The following ARHGAP8 variants were observed in gnomAD, a reference collection of about 807,000 sequenced individuals.
ARHGAP8 encodes the protein rho GTPase-activating protein 8.
In ARHGAP8, 62 loss-of-function variants were observed where a neutral mutation model predicts 46.1. The ratio of observed to expected loss-of-function variants is 1.34; its 90% CI spans 1.10 to 1.66. The LOEUF (loss-of-function observed/expected upper bound fraction) is 1.66. Ranked by LOEUF, ARHGAP8 falls within the 40% of genes most tolerant of loss-of-function variation. The pLI, the probability that ARHGAP8 is intolerant of heterozygous loss-of-function variation, is 0.00. For synonymous variants in ARHGAP8, 375 were observed against 243.1 expected (o/e 1.54, Z -5.05); for missense variants, 923 against 568.4 (o/e 1.62, Z -6.34).
At chr22:44,842,088 G>A (rs1415988509) in intron 7 of ARHGAP8, among the ~76,000 whole-genome samples, 2 of 152,238 alleles carry the variant, frequency 1.3e-5, no homozygotes, top group East Asian at 3.9e-4. Flanking sequence ...GCTTAGCGCA[G>A]TGGCTCATGC....
At chr22:44,810,827 G>A (rs1430884115) in intron 4 of ARHGAP8, among the ~76,000 whole-genome samples, 1 of 152,170 alleles carries the variant, frequency 6.6e-6, no homozygotes, top group East Asian at 1.9e-4. Flanking sequence ...CAGCAAAGGA[G>A]GGAGGGGCAC....
At position 44,808,156 on chromosome 22, in the gene ARHGAP8, A is replaced by T. The variant is rs143692885; in HGVS notation, c.168-151A>T. The stretch of plus-strand genomic sequence containing the variant: ...CTGAGCCTCAGATGTCATCTGGGAA[A>T]TGAGGACCGGGGCCCACGGTGCATG... On this transcript the variant is annotated intron_variant, in intron 3 of 11. Coordinates refer to ENST00000356099, the MANE Select transcript of ARHGAP8 (RefSeq NM_181335.3). The T allele has an allele frequency of 4.2e-4, 500 of 1,199,614 alleles. 4 individuals are homozygous for T. In the East Asian group the frequency reaches 0.011, roughly 26 times the overall value. 74.3% of individuals were successfully genotyped at this position (1,199,614 alleles called of 1,614,324 possible). A position where few individuals can be genotyped will look rare whatever the true frequency, so the allele number is the denominator to read the frequency against.
chr22:44,781,004 A>G (rs1926805080), intron 1 of ARHGAP8, among the ~76,000 whole-genome samples: 1 of 152,192 alleles, frequency 6.6e-6, no homozygotes, highest in Non-Finnish European at 1.5e-5. Context: ...GCTTCCAGGT[A>G]TCCCCTGGGT....
chr22:44,859,584 A>C (rs572997900), intron 10 of ARHGAP8, 147 bp from the exon 11 acceptor site: 6 of 766,618 alleles, frequency 7.8e-6, no homozygotes, highest in Non-Finnish European at 8.6e-6. Flanking sequence ...CCATACGGCC[A>C]GAAGATAAGT....
intron 3 of ARHGAP8, among the ~76,000 whole-genome samples, chr22:44,802,998 CT>C (rs1215490554): frequency 1.1e-4 from 16 of 152,192 alleles, no homozygotes; most frequent in Non-Finnish European, 1.6e-4. Context: ...GCTGCTGCTG[CT>C]GCTGCTGCTG....
At chr22:44,856,834 T>C (rs1272666287) in intron 10 of ARHGAP8, among the ~76,000 whole-genome samples, 1 of 144,554 alleles carries the variant, frequency 6.9e-6, no homozygotes, top group Non-Finnish European at 1.5e-5. Context: ...TTCTTCCGAA[T>C]GTGGCTCTGC....
chr22:44,855,092 A>C (rs911826906), intron 10 of ARHGAP8, among the ~76,000 whole-genome samples: 1 of 152,232 alleles, frequency 6.6e-6, no homozygotes, highest in African/African-American at 2.4e-5. Context: ...ATGTATCTCT[A>C]AGCCAATTTG....
intron 5 of ARHGAP8, 112 bp downstream of exon 5, chr22:44,814,870 C>CTG: frequency 7.7e-7 from 1 of 1,297,656 alleles, no homozygotes; most frequent in African/African-American, 1.5e-5. Flanking sequence ...TCCAGGGTGC[C>CTG]TGTGTATCTG....
At chr22:44,845,432 G>C in intron 8 of ARHGAP8, 90 bp downstream of exon 8, 1 of 1,563,064 alleles carries the variant, frequency 6.4e-7, no homozygotes, top group Non-Finnish European at 8.7e-7. Flanking sequence ...GCACCCACAA[G>C]CCAGGGGGTG....
At chr22:44,779,864 G>A (rs975573772) in intron 1 of ARHGAP8, among the ~76,000 whole-genome samples, 2 of 152,220 alleles carry the variant, frequency 1.3e-5, no homozygotes, top group African/African-American at 2.4e-5. Context: ...CACCACGCTC[G>A]GCCTTTTTCT....
chr22:44,831,060 A>G (rs999500795), intron 7 of ARHGAP8, among the ~76,000 whole-genome samples: 21 of 152,060 alleles, frequency 1.4e-4, no homozygotes, highest in Admixed American at 1.4e-3. Flanking sequence ...TATATGCTAG[A>G]CCCTAGGCCC....
At chr22:44,784,547 A>T (rs754518845) in intron 1 of ARHGAP8, among the ~76,000 whole-genome samples, 15 of 152,208 alleles carry the variant, frequency 9.9e-5, no homozygotes, top group Admixed American at 5.9e-4. Flanking sequence ...GCCATTTTCT[A>T]TCAGGGATTT....
At chr22:44,807,784 A>G (rs917717965) in intron 3 of ARHGAP8, among the ~76,000 whole-genome samples, 5 of 152,204 alleles carry the variant, frequency 3.3e-5, no homozygotes, top group Non-Finnish European at 7.3e-5. Context: ...CAGCCCATAA[A>G]GGCTGTCAGC....
intron 11 of ARHGAP8, among the ~76,000 whole-genome samples, chr22:44,861,144 G>GT (rs888619310): frequency 6.6e-5 from 10 of 151,964 alleles, no homozygotes; most frequent in East Asian, 1.9e-4. Flanking sequence ...GCTAATTTTT[G>GT]TTTTTTTAGT....
At chr22:44,791,236 G>GGCTGTGC (rs1346677785) in intron 2 of ARHGAP8, among the ~76,000 whole-genome samples, 3 of 152,122 alleles carry the variant, frequency 2.0e-5, no homozygotes, top group African/African-American at 7.2e-5. Flanking sequence ...GTCATTAGGG[G>GGCTGTGC]GCTGTGCGCT....
intron 1 of ARHGAP8, among the ~76,000 whole-genome samples, chr22:44,755,358 T>C (rs1372161206): frequency 1.3e-5 from 2 of 152,270 alleles, no homozygotes; most frequent in Non-Finnish European, 2.9e-5. Context: ...TGCCGGTGAC[T>C]ACCCTTCAAA....
At chr22:44,817,986 G>C (rs573259856) in intron 5 of ARHGAP8, among the ~76,000 whole-genome samples, 10 of 152,140 alleles carry the variant, frequency 6.6e-5, no homozygotes, top group African/African-American at 2.2e-4. Context: ...ATGGTGGCGC[G>C]TACCTTAGTC....
chr22:44,774,285 G>C (rs1165802288), intron 1 of ARHGAP8, among the ~76,000 whole-genome samples: 1 of 152,186 alleles, frequency 6.6e-6, no homozygotes, highest in African/African-American at 2.4e-5. Flanking sequence ...CGTTTTAGCA[G>C]TCATTTCCGA....
At chr22:44,836,618 C>A (rs948362483) in intron 7 of ARHGAP8, among the ~76,000 whole-genome samples, 1 of 151,402 alleles carries the variant, frequency 6.6e-6, no homozygotes, top group Non-Finnish European at 1.5e-5. Flanking sequence ...CTGCCCATTT[C>A]TCTGGGCATC....
Sources: allele counts gnomAD v4.1 joint callset (sites outside exome capture counted in the v4.1 genomes callset), GRCh38; gene constraint gnomAD v4.1.1; transcripts MANE v1.5; gene names NCBI Gene and HGNC (gene_info 2026-07-23, HGNC 2026-07-21).